Variants in ADA observed in about 807,000 individuals in gnomAD.
ADA encodes adenosine aminohydrolase.
In ADA, 45 loss-of-function variants were observed where a neutral mutation model predicts 49.0. The ratio of observed to expected loss-of-function variants is 0.92; its 90% CI spans 0.72 to 1.18. The LOEUF (loss-of-function observed/expected upper bound fraction) is 1.18, where lower values mean the gene tolerates loss of function less well. Among genes scored for constraint, ADA ranks in the 50% most tolerant of loss-of-function variants. ADA has a pLI of 0.00. For missense variants in ADA, 445 were observed against 472.5 expected (o/e 0.94, Z 0.54); for synonymous variants, 173 against 184.2 (o/e 0.94, Z 0.49).
At chr20:44,643,442 C>T (rs1362198795) in intron 1 of ADA, among the ~76,000 whole-genome samples, 6 of 152,198 alleles carry the variant, frequency 3.9e-5, no homozygotes, top group African/African-American at 1.4e-4. Flanking sequence ...AATGATAAAG[C>T]AGCTACCTAC....
intron 9 of ADA, among the ~76,000 whole-genome samples, chr20:44,621,658 A>ACTGTTTCTTGAAACCTTTTCCCTGC (rs1250130051): frequency 1.3e-5 from 2 of 152,170 alleles, no homozygotes; most frequent in African/African-American, 4.8e-5. Context: ...CACACTGTTG[A>ACTGTTTCTTGAAACCTTTTCCCTGC]CTGTTTCTTG....
intron 1 of ADA, among the ~76,000 whole-genome samples, chr20:44,647,885 C>A (rs188392377): frequency 1.0e-3 from 153 of 152,120 alleles, no homozygotes; most frequent in Non-Finnish European, 1.1e-3. Context: ...CCACTGCACT[C>A]CAGCCTGGGC....
chr20:44,643,817 A>C (rs1326364491), intron 1 of ADA, among the ~76,000 whole-genome samples: 1 of 152,228 alleles, frequency 6.6e-6, no homozygotes, highest in Non-Finnish European at 1.5e-5. Context: ...GTGAACAGGA[A>C]GCATCCTCAG....
At chr20:44,624,662 A>G (rs1346594281) in intron 5 of ADA, among the ~76,000 whole-genome samples, 3 of 152,226 alleles carry the variant, frequency 2.0e-5, no homozygotes, top group Non-Finnish European at 4.4e-5. Context: ...TGTTTCCAAC[A>G]ACACTCATGG....
At chr20:44,641,878 G>A (rs919956877) in intron 1 of ADA, among the ~76,000 whole-genome samples, 8 of 150,972 alleles carry the variant, frequency 5.3e-5, no homozygotes, top group African/African-American at 1.7e-4. Flanking sequence ...AGGGATTCTC[G>A]TGCCTCAGCC....
At chr20:44,650,641 C>G (rs1271366594) in intron 1 of ADA, among the ~76,000 whole-genome samples, 1 of 151,888 alleles carries the variant, frequency 6.6e-6, no homozygotes, top group Admixed American at 6.6e-5. Context: ...GTTTTGTTGT[C>G]CAGGCTAGTC....
chr20:44,641,536 C>G (rs1027496235), intron 1 of ADA, among the ~76,000 whole-genome samples: 1 of 152,020 alleles, frequency 6.6e-6, no homozygotes, highest in Admixed American at 6.6e-5. Flanking sequence ...GTTTAAACAC[C>G]CATGGGGATG....
intron 1 of ADA, among the ~76,000 whole-genome samples, chr20:44,639,488 C>G (rs1404080374): frequency 6.6e-6 from 1 of 152,168 alleles, no homozygotes; most frequent in Non-Finnish European, 1.5e-5. Flanking sequence ...GCTCAGCTCA[C>G]GGAAACCTCC....
chr20:44,643,015 G>A (rs907491094), intron 1 of ADA, among the ~76,000 whole-genome samples: 1 of 152,140 alleles, frequency 6.6e-6, no homozygotes, highest in Non-Finnish European at 1.5e-5. Context: ...GCAGAGGCAG[G>A]AAGCCACCTC....
intron 1 of ADA, 94 bp downstream of exon 1, chr20:44,651,481 C>T: frequency 7.7e-7 from 1 of 1,303,792 alleles, no homozygotes; most frequent in African/African-American, 1.5e-5. Flanking sequence ...CCCGTTCGTT[C>T]CCAGGGTTTG....
At chr20:44,651,179 C>T (rs995361723) in intron 1 of ADA, among the ~76,000 whole-genome samples, 3 of 152,228 alleles carry the variant, frequency 2.0e-5, no homozygotes, top group African/African-American at 7.2e-5. Flanking sequence ...ATTCACTGAG[C>T]ACTCAGTAGG....
intron 2 of ADA, among the ~76,000 whole-genome samples, chr20:44,629,932 G>A (rs181835174): frequency 1.7e-3 from 258 of 152,028 alleles, no homozygotes; most frequent in East Asian, 9.5e-3. Context: ...TTCTGCACAC[G>A]CTCCTGCCTC....
intron 1 of ADA, among the ~76,000 whole-genome samples, chr20:44,646,592 C>CAGTTCCCCA (rs1480933919): frequency 6.6e-6 from 1 of 152,016 alleles, no homozygotes; most frequent in Non-Finnish European, 1.5e-5. Flanking sequence ...AAAAACCAAT[C>CAGTTCCCCA]AGCATGTCAG....
At chr20:44,634,123 C>T (rs556836257) in intron 2 of ADA, among the ~76,000 whole-genome samples, 10 of 152,318 alleles carry the variant, frequency 6.6e-5, no homozygotes, top group South Asian at 2.1e-4. Context: ...CCCCACCCGG[C>T]GCTCCCAGCC....
intron 1 of ADA, among the ~76,000 whole-genome samples, chr20:44,641,172 C>T (rs983157023): frequency 1.3e-5 from 2 of 152,172 alleles, no homozygotes; most frequent in Non-Finnish European, 2.9e-5. Flanking sequence ...TTCTTAACCC[C>T]GGCTGCAAGT....
intron 1 of ADA, among the ~76,000 whole-genome samples, chr20:44,642,831 G>T (rs73300351): frequency 1.3e-5 from 2 of 152,210 alleles, no homozygotes; most frequent in Admixed American, 6.5e-5. Flanking sequence ...GTGCTCAGCG[G>T]GGCAGAAGCC....
At chr20:44,647,602 G>A (rs1239848192) in intron 1 of ADA, among the ~76,000 whole-genome samples, 1 of 151,918 alleles carries the variant, frequency 6.6e-6, no homozygotes, top group Non-Finnish European at 1.5e-5. Context: ...GCCTTGTCAA[G>A]TCGTCCAGAG....
chr20:44,651,697 A>C lies in ADA; in HGVS notation c.-90T>G. Reference sequence around the variant, plus strand: ...TGGCCGCTCGGCTTTCCCTGGGGCCAGCGGTGGCCGCGGCCGGCCACGCTC... The same window carrying C: ...TGGCCGCTCGGCTTTCCCTGGGGCCCGCGGTGGCCGCGGCCGGCCACGCTC... On this transcript the variant is annotated 5_prime_UTR_variant, in exon 1 of 12. Coordinates refer to ENST00000372874, the MANE Select transcript of ADA (RefSeq NM_000022.4). 2 of 1,366,262 alleles carry C rather than the reference A, an allele frequency of 1.5e-6. No homozygotes were observed. Among genetic ancestry groups the C allele is most frequent in the Non-Finnish European group, 1.9e-6 (2 of 1,066,500 alleles). The allele number at this position is 1,366,262 out of a possible 1,614,324, so 84.6% of individuals were successfully genotyped here. A position where few individuals can be genotyped will look rare whatever the true frequency, so the allele number is the denominator to read the frequency against.
chr20:44,648,371 G>T (rs2065611846), intron 1 of ADA, among the ~76,000 whole-genome samples: 1 of 152,084 alleles, frequency 6.6e-6, no homozygotes, highest in Admixed American at 6.5e-5. Context: ...CTGAGCGAAG[G>T]AATCCAAGAG....
Sources: allele counts gnomAD v4.1 joint callset (sites outside exome capture counted in the v4.1 genomes callset), GRCh38; gene constraint gnomAD v4.1.1; transcripts MANE v1.5; gene names NCBI Gene and HGNC (gene_info 2026-07-23, HGNC 2026-07-21).